The following RAET1G variants were observed in gnomAD, a reference collection of about 807,000 sequenced individuals.
RAET1G encodes UL-16 binding protein 5.
A neutral mutation model predicts 29.5 loss-of-function variants in RAET1G; 25 were observed. The ratio of observed to expected loss-of-function variants is 0.85; its 90% CI spans 0.62 to 1.18. The LOEUF is 1.18. Ranked by LOEUF, RAET1G falls within the 50% of genes most tolerant of loss-of-function variation. The pLI, the probability that RAET1G is intolerant of heterozygous loss-of-function variation, is 0.00. For synonymous variants in RAET1G, 167 were observed against 159.5 expected, an observed-to-expected ratio of 1.05 and a Z score of -0.36; for missense variants, 434 against 423.6, an observed-to-expected ratio of 1.02 and a Z score of -0.22.
intron 3 of RAET1G, chr6:149,918,830 A>G: frequency 1.4e-6 from 1 of 717,596 alleles, no homozygotes; most frequent in East Asian, 2.7e-5. Context: ...GAACAGAAGC[A>G]AGTGCAGTGA....
At chr6:149,922,684 T>G (rs1778621846) in intron 1 of RAET1G, among the ~76,000 whole-genome samples, 1 of 152,172 alleles carries the variant, frequency 6.6e-6, no homozygotes. Context: ...TGCAGCCCTC[T>G]GGCCCCTCCA....
intron 4 of RAET1G, among the ~76,000 whole-genome samples, chr6:149,917,354 C>A (rs541653962): frequency 1.3e-5 from 2 of 152,264 alleles, no homozygotes; most frequent in South Asian, 4.1e-4. Flanking sequence ...AGGGAAACTC[C>A]TTTTCCCGGT....
At chr6:149,918,121 C>T in intron 4 of RAET1G, 53 bp downstream of exon 4, 1 of 1,510,456 alleles carries the variant, frequency 6.6e-7, no homozygotes, top group Non-Finnish European at 9.1e-7. Flanking sequence ...CCATCCCTGT[C>T]CTCCCTCCTC....
intron 3 of RAET1G, 136 bp from the exon 4 acceptor site, chr6:149,918,520 G>T: frequency 9.7e-7 from 1 of 1,031,208 alleles, no homozygotes; most frequent in Non-Finnish European, 1.5e-6. Flanking sequence ...GCCCCTGGGA[G>T]AGTTCCTGGG....
chr6:149,919,266 A>T lies in RAET1G; in HGVS notation c.408T>A (p.Ser136Arg). 6.2e-7 allele frequency: 1 copy of T among 1,614,228 alleles called. No individual in the cohort carries two copies. The highest frequency in any genetic ancestry group is 8.5e-7 in the Non-Finnish European group (1 of 1,180,036). The stretch of plus-strand genomic sequence containing the variant: ...CATCGAAACTGAGCTGCCAAGATCC[A>T]CTGCCGTGTCCTTCGGCTTTCTGCT... ...SCEQKAEGHG[S>R]GSWQLSFDGQ... Residue 136 changes from serine to arginine, a missense_variant, in exon 3 of 5, where the codon AGT becomes AGA. Ser to Arg is a moderately radical substitution (Grantham distance 110). Coordinates refer to ENST00000367360, the MANE Select transcript of RAET1G (RefSeq NM_001001788.4).
intron 3 of RAET1G, 47 bp downstream of exon 3, chr6:149,918,996 C>G: frequency 6.2e-7 from 1 of 1,605,966 alleles, no homozygotes; most frequent in Non-Finnish European, 8.5e-7. Context: ...CTTGAGATCC[C>G]CATTTCTGAT....
intron 3 of RAET1G, chr6:149,918,635 G>T: frequency 1.6e-6 from 1 of 615,918 alleles, no homozygotes; most frequent in Non-Finnish European, 2.9e-6. Flanking sequence ...CGGAAGAGGA[G>T]GTGATGCTCC....
Position 149,922,979 on chromosome 6 carries a change from A to G in RAET1G, c.32T>C (p.Leu11Pro). The change falls in exon 1 of 5, where the codon CTA becomes CCA. Residue 11 changes from leucine to proline, a missense_variant. Physicochemically the swap from Leu to Pro is moderately conservative, Grantham distance 98 (BLOSUM62 -3). Coordinates refer to ENST00000367360, the MANE Select transcript of RAET1G (RefSeq NM_001001788.4). ...CAGCAGGAGCAGAAGCGGGAGGCGT[A>G]GAAGGAACGCGGGGCTGGCGGCCGC... Reference protein sequence around the residue: MAAAASPAFLLRLPLLLLLSS... With the variant: MAAAASPAFLPRLPLLLLLSS... 2.5e-6 allele frequency: 4 copies of G among 1,606,108 alleles called. No individual in the cohort carries two copies. The highest frequency in any genetic ancestry group is 3.4e-6 in the Non-Finnish European group (4 of 1,176,958).
chr6:149,921,627 C>A (rs1778602840), intron 1 of RAET1G, among the ~76,000 whole-genome samples: 1 of 152,184 alleles, frequency 6.6e-6, no homozygotes, highest in African/African-American at 2.4e-5. Flanking sequence ...TTACCCTCAG[C>A]TTACACCTCA....
Position 149,917,082 on chromosome 6 carries a change from GGA to G in RAET1G, c.843-10_843-9del, listed in dbSNP as rs753136997. Reference sequence around the variant, plus strand: ...CGCTTCGCTATTTGGTAGCTGAGGCGGAGAGAGAGAGGACAGCTTACGTCATT... The same window carrying G: ...CGCTTCGCTATTTGGTAGCTGAGGCGGAGAGAGAGGACAGCTTACGTCATT... On this transcript the variant is annotated splice_polypyrimidine_tract_variant and intron_variant, in intron 4 of 4. Coordinates refer to ENST00000367360, the MANE Select transcript of RAET1G (RefSeq NM_001001788.4). 49 of 1,540,516 alleles carry G rather than the reference GGA, an allele frequency of 3.2e-5. No individual in the cohort carries two copies. The highest frequency in any genetic ancestry group is 3.4e-4 in the Middle Eastern group (2 of 5,804).
At chr6:149,917,122 T>C (rs1778461109) in intron 4 of RAET1G, 48 bp from the exon 5 acceptor site, 4 of 1,487,976 alleles carry the variant, frequency 2.7e-6, no homozygotes, top group East Asian at 2.5e-5. Flanking sequence ...TTCTTCTATG[T>C]ATTTCTCGGA....
chr6:149,919,502 T>G (rs377388298), intron 2 of RAET1G, 51 bp downstream of exon 2: 3 of 1,613,992 alleles, frequency 1.9e-6, no homozygotes, highest in Non-Finnish European at 2.5e-6. Flanking sequence ...TAAATGCCTC[T>G]AACCTACCAC....
chr6:149,923,020 G>C lies in RAET1G; in HGVS notation c.-10C>G. The C allele has an allele frequency of 6.3e-7, 1 of 1,586,948 alleles. No individual in the cohort carries two copies. The highest frequency in any genetic ancestry group is 8.6e-7 in the Non-Finnish European group (1 of 1,166,266). ...TGGCGGCCGCTGCCATTGGGGAGTTGGATCGCAGGGGACAGCAGAAGCGAA... is the reference window on the plus strand; with the variant it reads ...TGGCGGCCGCTGCCATTGGGGAGTTCGATCGCAGGGGACAGCAGAAGCGAA... On this transcript the variant is annotated 5_prime_UTR_variant, in exon 1 of 5. Coordinates refer to ENST00000367360, the MANE Select transcript of RAET1G (RefSeq NM_001001788.4).
chr6:149,918,477 A>G, intron 3 of RAET1G, 93 bp from the exon 4 acceptor site: 1 of 1,411,012 alleles, frequency 7.1e-7, no homozygotes, highest in Non-Finnish European at 9.9e-7. Flanking sequence ...TCATCCTGGA[A>G]GGCAGAGGTT....
chr6:149,918,054 T>C (rs1778489270), intron 4 of RAET1G, 120 bp downstream of exon 4: 1 of 863,522 alleles, frequency 1.2e-6, no homozygotes, highest in East Asian at 2.7e-5. Flanking sequence ...CTCATTCACC[T>C]GTCTCATGTT....
chr6:149,920,159 C>T (rs545717680), intron 1 of RAET1G, among the ~76,000 whole-genome samples: 7 of 152,272 alleles, frequency 4.6e-5, no homozygotes, highest in South Asian at 2.1e-4. Flanking sequence ...CAGTAGCCCA[C>T]GTGGACTGTG....
In RAET1G at chr6:149,923,073, C is replaced by T. The variant is rs1043230766; in HGVS notation, c.-63G>A. On this transcript the variant is annotated 5_prime_UTR_variant, in exon 1 of 5. Coordinates refer to ENST00000367360, the MANE Select transcript of RAET1G (RefSeq NM_001001788.4). ...CCAGCCCGTGGATCACCTGGCGGCTCGCAGGCTGTCTGAATGCAGCCCGTC... is the reference window on the plus strand; with the variant it reads ...CCAGCCCGTGGATCACCTGGCGGCTTGCAGGCTGTCTGAATGCAGCCCGTC... 1 of 1,241,968 alleles carries T rather than the reference C, an allele frequency of 8.1e-7. No individual in the cohort carries two copies. The highest frequency in any genetic ancestry group is 1.1e-6 in the Non-Finnish European group (1 of 879,620). The allele number at this position is 1,241,968 out of a possible 1,614,324, so 76.9% of individuals were successfully genotyped here.
In RAET1G at chr6:149,919,281, G is replaced by C; in HGVS notation, c.393C>G (p.Ala131=). Residue 131 remains alanine (A), a synonymous_variant, in exon 3 of 5, where the codon GCC becomes GCG. Transcript: ENST00000367360. ...LQARMSCEQK[A]EGHGSGSWQL... Reference sequence around the variant, plus strand: ...GCCAAGATCCACTGCCGTGTCCTTCGGCTTTCTGCTCACAAGACATCCTGG... The same window carrying C: ...GCCAAGATCCACTGCCGTGTCCTTCCGCTTTCTGCTCACAAGACATCCTGG... The C allele has an allele frequency of 2.5e-6, 4 of 1,614,142 alleles. No individual in the cohort carries two copies. The highest frequency in any genetic ancestry group is 3.4e-6 in the Non-Finnish European group (4 of 1,180,008).
rs1778499081 is a variant in RAET1G, at chr6:149,918,313, G to T, written c.703C>A (p.Leu235Ile). The change falls in exon 4 of 5, where the codon CTC becomes ATC. Residue 235 changes from leucine to isoleucine, a missense_variant. Coordinates refer to ENST00000367360, the MANE Select transcript of RAET1G (RefSeq NM_001001788.4). The stretch of plus-strand genomic sequence containing the variant: ...GAGCATATGAGGAGACACATGATGA[G>T]GAGGCAGCAAAGGATGAGGGTGGTG... ...TATTLILCCL[L>I]IMCLLICSRH... 29 of 1,613,628 alleles carry T rather than the reference G, an allele frequency of 1.8e-5. No individual in the cohort carries two copies. The highest frequency in any genetic ancestry group is 2.5e-5 in the Non-Finnish European group (29 of 1,179,620).
Sources: allele counts gnomAD v4.1 joint callset (sites outside exome capture counted in the v4.1 genomes callset), GRCh38; gene constraint gnomAD v4.1.1; transcripts MANE v1.5; gene names NCBI Gene and HGNC (gene_info 2026-07-23, HGNC 2026-07-21).